Variants in ANO2 observed in about 807,000 individuals in gnomAD.
ANO2 encodes anoctamin 2.
ANO2 carries 101 observed loss-of-function variants against 124.2 expected under a neutral mutation model. The ratio of observed to expected loss-of-function variants is 0.81; its 90% CI spans 0.69 to 0.96. The LOEUF (loss-of-function observed/expected upper bound fraction) is 0.96. ANO2 is among the 40% of genes least tolerant of loss of function. The pLI is 0.00. For missense variants in ANO2, 1,293 were observed against 1,274.5 expected (o/e 1.01, Z -0.22); for synonymous variants, 486 against 482.5 (o/e 1.01, Z -0.09).
intron 14 of ANO2, among the ~76,000 whole-genome samples, chr12:5,704,852 A>C (rs1949544007): frequency 6.6e-6 from 1 of 152,240 alleles, no homozygotes. Context: ...AAGAAATCAC[A>C]GATTATAACA....
intron 1 of ANO2, among the ~76,000 whole-genome samples, chr12:5,924,231 A>G (rs554925183): frequency 6.6e-6 from 1 of 152,352 alleles, no homozygotes; most frequent in African/African-American, 2.4e-5. Flanking sequence ...TCAGCCCTCC[A>G]GCGCAGTTTC....
At chr12:5,801,773 T>C (rs1049593286) in intron 9 of ANO2, among the ~76,000 whole-genome samples, 7 of 152,238 alleles carry the variant, frequency 4.6e-5, no homozygotes, top group African/African-American at 1.4e-4. Flanking sequence ...TCTGAATTCA[T>C]GAGCACTGCT....
At chr12:5,732,773 CAAGGCATCT>C in intron 13 of ANO2, 143 bp from the exon 14 acceptor site, 1 of 1,576,056 alleles carries the variant, frequency 6.3e-7, no homozygotes, top group Non-Finnish European at 8.7e-7. Flanking sequence ...CACACAATCA[CAAGGCATCT>C]AGACATCACA....
chr12:5,653,314 C>T (rs536009311), intron 14 of ANO2, among the ~76,000 whole-genome samples: 2 of 152,324 alleles, frequency 1.3e-5, no homozygotes, highest in South Asian at 2.1e-4. Flanking sequence ...AATGTTCATA[C>T]ATTGACCCTA....
chr12:5,848,420 T>A (rs1954756768), intron 4 of ANO2, among the ~76,000 whole-genome samples: 1 of 151,410 alleles, frequency 6.6e-6, no homozygotes, highest in Non-Finnish European at 1.5e-5. Context: ...ATTCTTTTGG[T>A]TGTCATCCAT....
At chr12:5,633,262 T>C (rs1020516981) in intron 16 of ANO2, among the ~76,000 whole-genome samples, 3 of 152,170 alleles carry the variant, frequency 2.0e-5, no homozygotes, top group Admixed American at 2.0e-4. Flanking sequence ...AGGAAGCAGG[T>C]GTTCTTCTAT....
intron 20 of ANO2, among the ~76,000 whole-genome samples, chr12:5,585,355 C>T (rs1034127714): frequency 1.3e-5 from 2 of 152,126 alleles, no homozygotes; most frequent in Non-Finnish European, 2.9e-5. Flanking sequence ...CCTGGGAAGT[C>T]ATAACAGGAA....
chr12:5,899,112 A>T (rs1940000557), intron 3 of ANO2, among the ~76,000 whole-genome samples: 2 of 152,116 alleles, frequency 1.3e-5, no homozygotes, highest in South Asian at 4.1e-4. Flanking sequence ...GTCCGCCAAC[A>T]CCTTGGCCAT....
At chr12:5,755,836 T>C (rs1298716121) in intron 10 of ANO2, among the ~76,000 whole-genome samples, 1 of 152,222 alleles carries the variant, frequency 6.6e-6, no homozygotes, top group Non-Finnish European at 1.5e-5. Context: ...AGTGTTAACC[T>C]CTTTGGGTTC....
intron 3 of ANO2, among the ~76,000 whole-genome samples, chr12:5,906,575 T>C (rs1940707887): frequency 6.6e-6 from 1 of 151,982 alleles, no homozygotes; most frequent in African/African-American, 2.4e-5. Context: ...GGCGGGCAGA[T>C]CACGAGGTCA....
intron 20 of ANO2, among the ~76,000 whole-genome samples, chr12:5,578,904 C>G (rs1045853586): frequency 7.9e-5 from 12 of 152,196 alleles, no homozygotes; most frequent in African/African-American, 2.9e-4. Flanking sequence ...ATGGTTTTGT[C>G]ACAACGACTC....
chr12:5,672,102 G>A (rs1476107688), intron 14 of ANO2, among the ~76,000 whole-genome samples: 9 of 152,140 alleles, frequency 5.9e-5, no homozygotes, highest in East Asian at 3.9e-4. Context: ...GCTCTATCTC[G>A]GTCTGCAGGT....
intron 3 of ANO2, among the ~76,000 whole-genome samples, chr12:5,883,328 A>G (rs760787226): frequency 6.6e-6 from 1 of 152,320 alleles, no homozygotes; most frequent in East Asian, 1.9e-4. Context: ...CCAGACCTAG[A>G]GATGCCTTCT....
At chr12:5,889,632 C>T (rs1939244734) in intron 3 of ANO2, among the ~76,000 whole-genome samples, 1 of 152,260 alleles carries the variant, frequency 6.6e-6, no homozygotes, top group Non-Finnish European at 1.5e-5. Context: ...GGAGCCAGGA[C>T]TGGGTTTCCT....
At chr12:5,938,562 T>C (rs1444723909) in intron 1 of ANO2, among the ~76,000 whole-genome samples, 3 of 152,208 alleles carry the variant, frequency 2.0e-5, no homozygotes, top group Non-Finnish European at 4.4e-5. Flanking sequence ...GGCTCACGCC[T>C]ATAATCCCAG....
chr12:5,609,834 T>C (rs1035367049), intron 19 of ANO2, among the ~76,000 whole-genome samples: 5 of 151,228 alleles, frequency 3.3e-5, no homozygotes, highest in Non-Finnish European at 7.4e-5. Context: ...GTGTTTGTGA[T>C]AAACCAGAAT....
Position 5,925,702 on chromosome 12 carries a change from T to A in ANO2, c.23-2898A>T, listed in dbSNP as rs1942050382. 6.6e-6 allele frequency among the ~76,000 whole-genome samples: 1 copy of A among 152,214 alleles called. No individual in the cohort carries two copies. The highest frequency in any genetic ancestry group is 1.5e-5 in the Non-Finnish European group (1 of 68,040). ...GAACATGTCACCCATTTGGAAAGAA[T>A]CTTTCCTTCCTTCACCGTTGCCTTG... On this transcript the variant is annotated intron_variant, in intron 1 of 24. Transcript: ENST00000682330. This position sits in a 1 kb window ranked among gnomAD's most constrained non-coding sequence, Gnocchi z 4.6.
rs531332625 is a variant in ANO2, at chr12:5,887,867, T to C, written c.534+33173A>G. On this transcript the variant is annotated intron_variant, in intron 3 of 24. Coordinates refer to ENST00000682330, the MANE Select transcript of ANO2 (RefSeq NM_001364791.2). ...TTTTTTTTTTAGTGGAAACATGAAG[T>C]TTTATGAGAGAGAGAAGAAACCTTT... is the stretch of plus-strand genomic sequence containing the variant. Among the ~76,000 whole-genome samples the C allele has an allele frequency of 3.3e-5, 5 of 151,160 alleles. No homozygotes were observed. The South Asian group carries it at 6.3e-4, about 19-fold the overall frequency.
intron 16 of ANO2, among the ~76,000 whole-genome samples, chr12:5,625,226 GCAGA>G (rs752168705): frequency 2.0e-5 from 3 of 152,138 alleles, no homozygotes; most frequent in Non-Finnish European, 2.9e-5. Flanking sequence ...AGAAGTGGAA[GCAGA>G]CAGACAAATT....
Sources: allele counts gnomAD v4.1 joint callset (sites outside exome capture counted in the v4.1 genomes callset), GRCh38; gene constraint gnomAD v4.1.1; non-coding constraint Gnocchi (gnomAD v3.1); transcripts MANE v1.5; gene names NCBI Gene and HGNC (gene_info 2026-07-23, HGNC 2026-07-21).